Variants in KCTD18 observed in about 807,000 individuals in gnomAD.
The protein encoded by KCTD18 is BTB/POZ domain-containing protein KCTD18.
KCTD18 carries 22 observed loss-of-function variants against 30.4 expected under a neutral mutation model. The ratio of observed to expected loss-of-function variants is 0.72; its 90% CI spans 0.52 to 1.03. The LOEUF (loss-of-function observed/expected upper bound fraction) is 1.03, where lower values mean the gene tolerates loss of function less well. KCTD18 is among the 50% of genes least tolerant of loss of function. KCTD18 has a pLI of 0.00. For missense variants in KCTD18, 529 were observed against 547.6 expected (o/e 0.97, Z 0.34); for synonymous variants, 186 against 209.0 (o/e 0.89, Z 0.95).
intron 3 of KCTD18, among the ~76,000 whole-genome samples, chr2:200,504,206 C>G (rs546988527): frequency 4.0e-4 from 61 of 152,288 alleles, no homozygotes; most frequent in South Asian, 6.2e-4. Flanking sequence ...CGCCTGTAAT[C>G]CCAGCACTTT....
chr2:200,506,973 C>T lies in KCTD18; in HGVS notation c.44G>A (p.Arg15Gln), dbSNP rs768998322. ...GTAAATACAGCCACCCACGTTCAGT[C>T]GGAGAACATCTAGCACCTCTTCTTC... is the stretch of plus-strand genomic sequence containing the variant. ...KAEEEVLDVL[R>Q]LNVGGCIYTA... is the part of the protein sequence containing the mutation. The change falls in exon 2 of 7, where the codon CGA (arginine) becomes CAA (glutamine). Residue 15 changes from arginine (R) to glutamine (Q), a missense_variant. Coordinates refer to ENST00000359878, the MANE Select transcript of KCTD18 (RefSeq NM_152387.4). 2.8e-5 allele frequency: 45 copies of T among 1,613,748 alleles called. No homozygotes were observed. The highest frequency in any genetic ancestry group is 7.7e-5 in the South Asian group (7 of 91,018).
chr2:200,494,075 C>G (rs571788654), intron 5 of KCTD18, among the ~76,000 whole-genome samples: 19 of 152,148 alleles, frequency 1.2e-4, no homozygotes, highest in Non-Finnish European at 2.2e-4. Flanking sequence ...ATTCTTGAAG[C>G]CTCGAAAACA....
Position 200,489,899 on chromosome 2 carries a change from A to G in KCTD18, c.*201T>C. On this transcript the variant is annotated 3_prime_UTR_variant, in exon 7 of 7. Coordinates refer to ENST00000359878, the MANE Select transcript of KCTD18 (RefSeq NM_152387.4). ...CAAACTGCCCATAGACAATCATATA[A>G]AAGTTGGGAAAATGAGAAATGGAGC... 5.5e-6 allele frequency: 3 copies of G among 548,300 alleles called. No homozygotes were observed. The highest frequency in any genetic ancestry group is 9.4e-6 in the Non-Finnish European group (3 of 320,498). 34.0% of individuals were successfully genotyped at this position (548,300 alleles called of 1,614,324 possible). A position where few individuals can be genotyped will look rare whatever the true frequency, so the allele number is the denominator to read the frequency against.
At chr2:200,503,601 T>C (rs929379586) in intron 3 of KCTD18, among the ~76,000 whole-genome samples, 11 of 152,222 alleles carry the variant, frequency 7.2e-5, no homozygotes, top group African/African-American at 2.7e-4. Flanking sequence ...TCAGGCCTCA[T>C]TCTGCAGATG....
chr2:200,490,371 G>A lies in KCTD18; in HGVS notation c.1010C>T (p.Thr337Met), dbSNP rs762837663. The change falls in exon 7 of 7, where the codon ACG (threonine) becomes ATG (methionine). Residue 337 changes from threonine (T) to methionine (M), a missense_variant. By Grantham distance (81) the Thr-to-Met change is moderately conservative. Transcript: ENST00000359878. ...APSRATALVG[T>M]GAPGHPQASP... ...AGCCTGAGGATGCCCAGGTGCCCCC[G>A]TGCCCACCAGGGCCGTGGCTCTGGA... is the stretch of plus-strand genomic sequence containing the variant. 5.0e-6 allele frequency: 8 copies of A among 1,614,212 alleles called. No individual in the cohort carries two copies. Among genetic ancestry groups the A allele is most frequent in the Middle Eastern group, 1.6e-4 (1 of 6,062 alleles).
rs909504802 is a variant in KCTD18 at position 200,509,979 on chromosome 2, G to C, written c.-427C>G. The stretch of plus-strand genomic sequence containing the variant: ...GCGCCCGGCTCTTCCGCACCGGGGG[G>C]GTGGGGCGGGTCGGCAGCTTCCCAG... On this transcript the variant is annotated 5_prime_UTR_variant, in exon 1 of 7. Coordinates refer to ENST00000359878, the MANE Select transcript of KCTD18 (RefSeq NM_152387.4). 1.4e-4 allele frequency: 22 copies of C among 152,108 alleles called. No homozygotes were observed. The highest frequency in any genetic ancestry group is 4.1e-4 in the African/African-American group (17 of 41,528). The allele number at this position is 152,108 out of a possible 1,614,324, so 9.4% of individuals were successfully genotyped here.
In KCTD18 at chr2:200,506,929, A is replaced by T; in HGVS notation, c.88T>A (p.Leu30Met). Reference protein sequence around the residue: ...GCIYTARRESLCRFKDSMLAS... With the variant: ...GCIYTARRESMCRFKDSMLAS... ...AACATGGAGTCCTTGAAGCGGCACA[A>T]GGACTCCCGCCGGGCTGTGTAAATA... The change falls in exon 2 of 7, where the codon TTG becomes ATG. Residue 30 changes from leucine (L) to methionine (M), a missense_variant. By Grantham distance (15) the Leu-to-Met change is conservative. Coordinates refer to ENST00000359878, the MANE Select transcript of KCTD18 (RefSeq NM_152387.4). 6.2e-7 allele frequency: 1 copy of T among 1,613,860 alleles called. No homozygotes were observed.
chr2:200,493,014 T>C (rs1559181404), intron 6 of KCTD18, among the ~76,000 whole-genome samples, 158 bp downstream of exon 6: 1 of 152,202 alleles, frequency 6.6e-6, no homozygotes, highest in Non-Finnish European at 1.5e-5. Flanking sequence ...ACTTTATATT[T>C]ATCAAGATCT....
intron 3 of KCTD18, among the ~76,000 whole-genome samples, chr2:200,501,444 AAAAC>A (rs1475480127): frequency 2.1e-5 from 3 of 139,604 alleles, no homozygotes; most frequent in African/African-American, 5.3e-5. Context: ...TTACAAGAAA[AAAAC>A]AAACAACCCC....
At chr2:200,504,713 T>A (rs1246354086) in intron 3 of KCTD18, 35 bp downstream of exon 3, 5 of 1,431,236 alleles carry the variant, frequency 3.5e-6, no homozygotes, top group Non-Finnish European at 4.9e-6. Context: ...GCATCATAAA[T>A]ATATATATTC....
In KCTD18 at chr2:200,490,615, G is replaced by T. The variant is rs374611164; in HGVS notation, c.766C>A (p.Arg256=). The T allele has an allele frequency of 6.3e-7, 1 of 1,579,386 alleles. No individual in the cohort carries two copies. Among genetic ancestry groups the T allele is most frequent in the East Asian group, 2.2e-5 (1 of 44,526 alleles). Residue 256 remains arginine, a splice_region_variant and synonymous_variant, in exon 7 of 7, where the codon CGA becomes AGA. Transcript: ENST00000359878. ...TCCGCTTCATTGAACGTTATCAGTCGCCTAGAAATACAGAAGCGTGTCATT... is the reference window on the plus strand; with the variant it reads ...TCCGCTTCATTGAACGTTATCAGTCTCCTAGAAATACAGAAGCGTGTCATT... The part of the protein sequence containing the change: ...LRHMAPIRKR[R]LITFNEADES...
chr2:200,490,457 C>A lies in KCTD18; in HGVS notation c.924G>T (p.Gly308=). Residue 308 remains glycine (G), a synonymous_variant, in exon 7 of 7, where the codon GGG becomes GGT. Coordinates refer to ENST00000359878, the MANE Select transcript of KCTD18 (RefSeq NM_152387.4). ...CACTTTGAAACCGGTTTGCTGTCGCCCCAGCCGACGTCTGGATGGCACTGG... is the reference window on the plus strand; with the variant it reads ...CACTTTGAAACCGGTTTGCTGTCGCACCAGCCGACGTCTGGATGGCACTGG... ...SPASAIQTSA[G]ATANRFQSGS... is the part of the protein sequence containing the mutation. 6.2e-7 allele frequency: 1 copy of A among 1,613,786 alleles called. No homozygotes were observed. Among genetic ancestry groups the A allele is most frequent in the Non-Finnish European group, 8.5e-7 (1 of 1,180,030 alleles).
intron 2 of KCTD18, among the ~76,000 whole-genome samples, chr2:200,505,285 G>C (rs1055558533): frequency 4.6e-5 from 7 of 152,188 alleles, no homozygotes; most frequent in African/African-American, 1.7e-4. Context: ...GGGTTGCCAT[G>C]TTTGGTTGTA....
At chr2:200,504,251 G>A (rs370557184) in intron 3 of KCTD18, among the ~76,000 whole-genome samples, 90 of 152,286 alleles carry the variant, frequency 5.9e-4, no homozygotes, top group African/African-American at 2.0e-3. Flanking sequence ...GAGGTCAGCA[G>A]ATCGAGACCA....
chr2:200,490,260 T>C lies in KCTD18; in HGVS notation c.1121A>G (p.Gln374Arg). Residue 374 changes from glutamine to arginine, a missense_variant, in exon 7 of 7, where the codon CAG becomes CGG. Gln to Arg is a conservative substitution (Grantham distance 43). Transcript: ENST00000359878. ...VLLSDKKPTP[Q>R]RVIKLKRTPL... ...AGTCCTCTTCAGCTTTATCACCCGC[T>C]GGGGTGTAGGCTTCTTGTCGGAGAG... 1 of 1,614,238 alleles carries C rather than the reference T, an allele frequency of 6.2e-7. No homozygotes were observed. Among genetic ancestry groups the C allele is most frequent in the East Asian group, 2.2e-5 (1 of 44,882 alleles).
chr2:200,506,776 G>T, intron 2 of KCTD18, 81 bp downstream of exon 2: 3 of 1,275,786 alleles, frequency 2.4e-6, no homozygotes, highest in Non-Finnish European at 3.4e-6. Flanking sequence ...AGTACATTTC[G>T]CTGTAATTAA....
rs757911192 is a variant in KCTD18 at position 200,490,425 on chromosome 2, CG to C, written c.955del (p.Arg319AlafsTer58). The C allele has an allele frequency of 1.9e-6, 3 of 1,613,998 alleles. No homozygotes were observed. In the African/African-American group the frequency reaches 4.0e-5, roughly 22 times the overall value. ...ATANRFQSGS[R>X]RKAAQRSAPS... ...TGCAGAGCGCTGAGCTGCCTTTCTG[CG>C]GCTACCACTTTGAAACCGGTTTGCT... On this transcript the variant is annotated frameshift_variant, in exon 7 of 7. Coordinates refer to ENST00000359878, the MANE Select transcript of KCTD18 (RefSeq NM_152387.4). LOFTEE classifies it low-confidence loss of function (END_TRUNC).
rs1179686175 is a variant in KCTD18, at chr2:200,489,179, AAT to A, written c.*919_*920del. The A allele has an allele frequency of 6.6e-6, 1 of 152,646 alleles. No homozygotes were observed. Among genetic ancestry groups the A allele is most frequent in the Admixed American group, 6.5e-5 (1 of 15,290 alleles). The allele number at this position is 152,646 out of a possible 1,614,324, so 9.5% of individuals were successfully genotyped here. ...ATTTACGAATAAACACACACAACTG[AAT>A]AGTCATGAAAAAATAGAGGATTAGT... On this transcript the variant is annotated 3_prime_UTR_variant, in exon 7 of 7. Coordinates refer to ENST00000359878, the MANE Select transcript of KCTD18 (RefSeq NM_152387.4).
Position 200,490,127 on chromosome 2 carries a change from A to G in KCTD18, c.1254T>C (p.Thr418=). Residue 418 remains threonine, a synonymous_variant, in exon 7 of 7, where the codon ACT becomes ACC. Coordinates refer to ENST00000359878, the MANE Select transcript of KCTD18 (RefSeq NM_152387.4). ...AATTTCCCTTGTTCTTCCCGTTCTC[A>G]GTCCGCACTCCCAAGGCACGGGCAG... The part of the protein sequence containing the change: ...GEAARALGVR[T]ENGKNKGN The G allele has an allele frequency of 1.3e-6, 2 of 1,589,518 alleles. No individual in the cohort carries two copies. The highest frequency in any genetic ancestry group is 1.7e-6 in the Non-Finnish European group (2 of 1,162,764).
Sources: allele counts gnomAD v4.1 joint callset (sites outside exome capture counted in the v4.1 genomes callset), GRCh38; gene constraint gnomAD v4.1.1; transcripts MANE v1.5; gene names NCBI Gene and HGNC (gene_info 2026-07-23, HGNC 2026-07-21).